PACRG: variants seen among roughly 807,000 people sequenced by gnomAD.
PACRG encodes parkin coregulated.
Under a neutral mutation model 29.7 loss-of-function variants are expected in PACRG, and 29 were observed. That is an observed-to-expected ratio of 0.98 (90% confidence interval 0.73 to 1.33). The LOEUF is 1.33. PACRG is among the 40% of genes most tolerant of loss of function. PACRG has a pLI of 0.00. For missense variants in PACRG, 279 were observed against 316.2 expected, an observed-to-expected ratio of 0.88 and a Z score of 0.89; for synonymous variants, 116 against 118.7, an observed-to-expected ratio of 0.98 and a Z score of 0.15.
intron 3 of PACRG, among the ~76,000 whole-genome samples, chr6:163,074,917 C>A (rs1360968237): frequency 2.0e-5 from 3 of 152,000 alleles, no homozygotes. Flanking sequence ...TCGCATGAGC[C>A]CAGGAGCTCA....
chr6:162,953,698 C>CA (rs1167456864), intron 2 of PACRG, among the ~76,000 whole-genome samples: 4 of 151,512 alleles, frequency 2.6e-5, no homozygotes, highest in Non-Finnish European at 5.9e-5. Context: ...CTAACCCCCC[C>CA]ACACTTTCTC....
intron 1 of PACRG, among the ~76,000 whole-genome samples, chr6:162,732,088 C>G: frequency 6.6e-6 from 1 of 152,172 alleles, no homozygotes; most frequent in East Asian, 1.9e-4. Flanking sequence ...GACCCAGACA[C>G]AGCACCCCAC....
chr6:162,929,411 G>A (rs1797684268), intron 2 of PACRG, among the ~76,000 whole-genome samples: 2 of 151,682 alleles, frequency 1.3e-5, no homozygotes, highest in South Asian at 4.1e-4. Flanking sequence ...TGGATCTTCT[G>A]CCCATTTTTA....
chr6:162,910,997 G>A (rs1796262524), intron 2 of PACRG, among the ~76,000 whole-genome samples: 1 of 152,112 alleles, frequency 6.6e-6, no homozygotes. Flanking sequence ...TTGTATTAAA[G>A]GACAATTGAA....
chr6:162,742,196 C>G (rs1157686558), intron 1 of PACRG, among the ~76,000 whole-genome samples: 1 of 152,128 alleles, frequency 6.6e-6, no homozygotes, highest in Non-Finnish European at 1.5e-5. Context: ...CCATAATTCT[C>G]ACATGTTGTG....
intron 4 of PACRG, among the ~76,000 whole-genome samples, chr6:163,136,527 T>G (rs992975694): frequency 3.3e-5 from 5 of 152,246 alleles, no homozygotes; most frequent in Admixed American, 2.0e-4. Flanking sequence ...CTCCATTAAT[T>G]TAGAATTTTT....
intron 4 of PACRG, among the ~76,000 whole-genome samples, chr6:163,194,974 A>T (rs960396282): frequency 2.6e-5 from 4 of 152,026 alleles, no homozygotes; most frequent in African/African-American, 7.2e-5. Flanking sequence ...CCTCCCCTCT[A>T]CATCGGTGTC....
intron 4 of PACRG, among the ~76,000 whole-genome samples, chr6:163,250,752 GTTTATAGCACAATTTATATTTAT>G (rs1261694746): frequency 2.0e-5 from 3 of 152,050 alleles, no homozygotes; most frequent in Non-Finnish European, 4.4e-5. Flanking sequence ...TTATGTTTAT[GTTTATAGCACAATTTATATTTAT>G]TTTATAGCAC....
intron 1 of PACRG, among the ~76,000 whole-genome samples, chr6:162,762,870 T>A (rs1417778567): frequency 6.6e-6 from 1 of 152,248 alleles, no homozygotes; most frequent in Non-Finnish European, 1.5e-5. Context: ...TATGTTCAGA[T>A]GTTAAGTATT....
intron 2 of PACRG, among the ~76,000 whole-genome samples, chr6:162,902,874 C>T (rs565955705): frequency 6.6e-6 from 1 of 152,162 alleles, no homozygotes; most frequent in South Asian, 2.1e-4. Context: ...GGCTTTTTTT[C>T]TTCAATTCCA....
intron 4 of PACRG, among the ~76,000 whole-genome samples, chr6:163,305,346 AG>A (rs1785158826): frequency 6.6e-6 from 1 of 152,208 alleles, no homozygotes; most frequent in South Asian, 2.1e-4. Flanking sequence ...AATACTTGGA[AG>A]GTTCCTCCTT....
chr6:162,761,691 C>T (rs780846713), intron 1 of PACRG, among the ~76,000 whole-genome samples: 10 of 152,208 alleles, frequency 6.6e-5, no homozygotes, highest in South Asian at 2.1e-4. Context: ...GTAATCCCAG[C>T]ACTTTGGGAG....
intron 2 of PACRG, among the ~76,000 whole-genome samples, chr6:162,925,983 A>C (rs1218386404): frequency 6.6e-6 from 1 of 152,140 alleles, no homozygotes; most frequent in East Asian, 1.9e-4. Context: ...AATGTGCAAA[A>C]ATCACAAGAA....
rs776663491 is a variant in PACRG at position 163,006,190 on chromosome 6, CAT to C, written c.292-55945_292-55944del. Among the ~76,000 whole-genome samples the C allele has an allele frequency of 7.6e-3, 941 of 123,958 alleles. 4 individuals are homozygous for C. The highest frequency in any genetic ancestry group is 0.012 in the Non-Finnish European group (719 of 59,298). The allele number at this position is 123,958 out of a possible 152,430, so 81.3% of individuals were successfully genotyped here. On this transcript the variant is annotated intron_variant, in intron 2 of 4. Transcript: ENST00000366888. ...TATAAAACATACATATATATAAACC[CAT>C]ATATATATATATATCCCATATATAT...
chr6:162,798,353 T>C (rs1215684323), intron 1 of PACRG, among the ~76,000 whole-genome samples: 1 of 152,148 alleles, frequency 6.6e-6, no homozygotes, highest in Non-Finnish European at 1.5e-5. Flanking sequence ...ACAAATGTTG[T>C]CCCTCATGAG....
At chr6:163,267,448 C>G (rs1388984158) in intron 4 of PACRG, among the ~76,000 whole-genome samples, 2 of 152,180 alleles carry the variant, frequency 1.3e-5, no homozygotes, top group Non-Finnish European at 2.9e-5. Flanking sequence ...CTTTTAAGAT[C>G]AGTCATATCC....
In PACRG at chr6:162,747,363, T is replaced by TAC. The variant is rs1178513770; in HGVS notation, c.156+18976_156+18977dup. On this transcript the variant is annotated intron_variant, in intron 1 of 4. Transcript: ENST00000366888. ...ATATATATATATATATATATATATA[T>TAC]ACACATACATATATATGTATATATA... 2.0e-4 allele frequency among the ~76,000 whole-genome samples: 7 copies of TAC among 35,246 alleles called. 1 individual carries two copies. Among genetic ancestry groups the TAC allele is most frequent in the East Asian group, 6.2e-4 (1 of 1,624 alleles). 23.1% of individuals were successfully genotyped at this position (35,246 alleles called of 152,430 possible).
chr6:162,879,922 G>A (rs1793692236), intron 2 of PACRG, among the ~76,000 whole-genome samples: 1 of 152,238 alleles, frequency 6.6e-6, no homozygotes, highest in Admixed American at 6.5e-5. Context: ...AAGCATCTGT[G>A]AGAATGTGTG....
intron 2 of PACRG, chr6:163,046,704 AATAAGTTAT>A (rs932086259): frequency 4.6e-5 from 7 of 152,180 alleles, no homozygotes; most frequent in African/African-American, 1.7e-4. Flanking sequence ...AATCCAAGGA[AATAAGTTAT>A]ATTTCTCTAA....
Sources: allele counts gnomAD v4.1 joint callset (sites outside exome capture counted in the v4.1 genomes callset), GRCh38; gene constraint gnomAD v4.1.1; transcripts MANE v1.5; gene names NCBI Gene and HGNC (gene_info 2026-07-23, HGNC 2026-07-21).